Variants in GPR89B observed in about 807,000 individuals in gnomAD.
GPR89B encodes the protein golgi pH regulator B, also known as G protein-coupled receptor 89B.
In GPR89B, 25 loss-of-function variants were observed where a neutral mutation model predicts 52.4. The observed-to-expected ratio is 0.48, with a 90% CI of 0.35 to 0.67. The LOEUF (loss-of-function observed/expected upper bound fraction) is 0.67. Among genes scored for constraint, GPR89B ranks in the 30% least tolerant of loss-of-function variants. GPR89B has a pLI of 0.01. For missense variants in GPR89B, 146 were observed against 450.2 expected (o/e 0.32, Z 6.11); for synonymous variants, 52 against 151.2 (o/e 0.34, Z 4.81).
the GPR89B span, among the ~76,000 whole-genome samples, chr1:147,998,880 C>CAA: frequency 1.4e-3 from 109 of 77,700 alleles, 1 homozygote; most frequent in Middle Eastern, 7.6e-3. Flanking sequence ...GACTCTGTCT[C>CAA]AAAAAAAAAA....
chr1:148,013,557 A>G, the GPR89B span, among the ~76,000 whole-genome samples: 1 of 152,056 alleles, frequency 6.6e-6, no homozygotes, highest in Non-Finnish European at 1.5e-5. Flanking sequence ...TTCATGGGTA[A>G]GAGTGGGCCC....
the GPR89B span, chr1:148,003,683 G>C: frequency 1.8e-6 from 1 of 547,112 alleles, no homozygotes; most frequent in East Asian, 3.1e-5. Context: ...ATGCTATGCC[G>C]CTCATGCATC....
the GPR89B span, among the ~76,000 whole-genome samples, chr1:148,006,540 A>G: frequency 6.6e-6 from 1 of 152,094 alleles, no homozygotes; most frequent in Non-Finnish European, 1.5e-5. Flanking sequence ...TTAAGATAGT[A>G]TACCGAACCC....
intron 10 of GPR89B, among the ~76,000 whole-genome samples, 191 bp from the exon 11 acceptor site, chr1:147,986,008 C>CT (rs1443033544): frequency 6.6e-6 from 1 of 152,154 alleles, no homozygotes; most frequent in Non-Finnish European, 1.5e-5. Flanking sequence ...GACATAGGGA[C>CT]TTTTGTTTGC....
In GPR89B at chr1:147,981,318, G is replaced by GACAC. The variant is rs1189035337; in HGVS notation, c.910-4873_910-4870dup. 6.3e-4 allele frequency among the ~76,000 whole-genome samples: 94 copies of GACAC among 149,262 alleles called. 2 individuals carry two copies. Among genetic ancestry groups the GACAC allele is most frequent in the African/African-American group, 1.9e-3 (76 of 39,716 alleles). On this transcript the variant is annotated intron_variant, in intron 10 of 13. Transcript: ENST00000314163. ...CCCCATTCTTTACCCCTCCCTCCCC[G>GACAC]ACACACACACATACACACACACACA...
At chr1:147,988,861 C>CA (rs1401100541) in intron 12 of GPR89B, among the ~76,000 whole-genome samples, 13,979 of 130,682 alleles carry the variant, frequency 0.11, 1,056 homozygotes, top group African/African-American at 0.22. Flanking sequence ...CACTCCATCT[C>CA]AAAAAAAAAA....
intron 5 of GPR89B, among the ~76,000 whole-genome samples, chr1:147,950,614 TCACGCCGCTG>T (rs1655585871): frequency 6.6e-6 from 1 of 152,136 alleles, no homozygotes; most frequent in Non-Finnish European, 1.5e-5. Context: ...TGAGCCGAGA[TCACGCCGCTG>T]CACTCCAGCC....
chr1:147,958,505 G>A (rs1395463293), intron 7 of GPR89B, among the ~76,000 whole-genome samples: 26 of 99,764 alleles, frequency 2.6e-4, no homozygotes, highest in Non-Finnish European at 3.5e-4. Context: ...TGGGCATAGT[G>A]GTGCATGCCT....
In GPR89B at chr1:147,940,328, A is replaced by G. The variant is rs587687740; in HGVS notation, c.206+1511A>G. 7.3e-3 allele frequency among the ~76,000 whole-genome samples: 1,104 copies of G among 151,820 alleles called. 9 individuals are homozygous for G. The highest frequency in any genetic ancestry group is 0.025 in the African/African-American group (1,050 of 41,408). On this transcript the variant is annotated intron_variant, in intron 3 of 13. Transcript: ENST00000314163. ...TGAGGCAGGAGAATGGCCTGAACCC[A>G]GGAGGCAGAGCTTGCAGTGAGCCGA...
At chr1:147,983,672 AAAC>A (rs1658438133) in intron 10 of GPR89B, among the ~76,000 whole-genome samples, 1 of 151,878 alleles carries the variant, frequency 6.6e-6, no homozygotes, top group Non-Finnish European at 1.5e-5. Context: ...AAAAGTCAGG[AAAC>A]AACAGGTGCT....
chr1:147,977,830 CCAT>C (rs1426576906), intron 10 of GPR89B, among the ~76,000 whole-genome samples: 17 of 149,020 alleles, frequency 1.1e-4, no homozygotes, highest in Admixed American at 7.4e-4. Context: ...TTTTTCAGCT[CCAT>C]CACATTGTTT....
chr1:147,968,491 A>C, intron 8 of GPR89B: 1 of 373,138 alleles, frequency 2.7e-6, no homozygotes, highest in South Asian at 2.1e-5. Context: ...CTTTTCTAAC[A>C]TTATATTCAG....
chr1:147,949,175 T>C (rs1445287777), intron 5 of GPR89B, among the ~76,000 whole-genome samples: 2 of 152,134 alleles, frequency 1.3e-5, no homozygotes, highest in Non-Finnish European at 2.9e-5. Flanking sequence ...CACACAGACA[T>C]GGCAACCATC....
At chr1:147,930,597 A>G (rs1295851676) in intron 1 of GPR89B, among the ~76,000 whole-genome samples, 2 of 151,994 alleles carry the variant, frequency 1.3e-5, no homozygotes, top group Admixed American at 6.6e-5. Flanking sequence ...TGGAAACACC[A>G]CCATTGCCCC....
At chr1:147,956,624 A>G (rs1478240517) in intron 7 of GPR89B, among the ~76,000 whole-genome samples, 2 of 152,100 alleles carry the variant, frequency 1.3e-5, no homozygotes, top group South Asian at 4.1e-4. Flanking sequence ...GGACACTGAA[A>G]ACTATACAAC....
chr1:147,962,962 AAAAG>A (rs1293403269), intron 7 of GPR89B, among the ~76,000 whole-genome samples: 4 of 151,170 alleles, frequency 2.6e-5, no homozygotes, highest in Admixed American at 1.3e-4. Context: ...AGAAAAAAAA[AAAAG>A]AATCTTTGGA....
At chr1:147,980,818 C>CAAAAAA (rs1176400328) in intron 10 of GPR89B, among the ~76,000 whole-genome samples, 27 of 22,574 alleles carry the variant, frequency 1.2e-3, no homozygotes, top group African/African-American at 2.5e-3. Flanking sequence ...GACTCCGTCT[C>CAAAAAA]AAAAAAAAAA....
At chr1:147,982,156 T>C (rs1356341192) in intron 10 of GPR89B, among the ~76,000 whole-genome samples, 1 of 151,748 alleles carries the variant, frequency 6.6e-6, no homozygotes, top group Admixed American at 6.6e-5. Flanking sequence ...GCCTCCCAGG[T>C]TCAAGCAATT....
chr1:147,935,841 C>G (rs1654038759), intron 1 of GPR89B, among the ~76,000 whole-genome samples: 1 of 152,104 alleles, frequency 6.6e-6, no homozygotes, highest in Non-Finnish European at 1.5e-5. Context: ...CTCAGGTGAT[C>G]TTCCCACCTC....
Sources: allele counts gnomAD v4.1 joint callset (sites outside exome capture counted in the v4.1 genomes callset), GRCh38; gene constraint gnomAD v4.1.1; transcripts MANE v1.5; gene names NCBI Gene and HGNC (gene_info 2026-07-23, HGNC 2026-07-21).